Variants in SLC9A9 observed in about 807,000 individuals in gnomAD.
The protein encoded by SLC9A9 is solute carrier family 9 member A9, also known as sodium/hydrogen exchanger 9.
Under a neutral mutation model 77.8 loss-of-function variants are expected in SLC9A9, and 62 were observed. That is an observed-to-expected ratio of 0.80 (90% confidence interval 0.65 to 0.98). The LOEUF (loss-of-function observed/expected upper bound fraction) is 0.98. Ranked by LOEUF, SLC9A9 falls within the 50% of genes least tolerant of loss-of-function variation. The probability of loss-of-function intolerance (pLI) is 0.00; values close to 1 mark genes in which losing one functional copy is unlikely to be tolerated. For synonymous variants in SLC9A9, 320 were observed against 283.5 expected, an observed-to-expected ratio of 1.13 and a Z score of -1.29; for missense variants, 775 against 774.9, an observed-to-expected ratio of 1.00 and a Z score of 0.00.
intron 9 of SLC9A9, among the ~76,000 whole-genome samples, chr3:143,550,756 G>C (rs1406935777): frequency 6.6e-6 from 1 of 152,218 alleles, no homozygotes; most frequent in Non-Finnish European, 1.5e-5. Context: ...GATGACACTA[G>C]GGTTGTGTGG....
At chr3:143,828,941 A>C (rs1363801062) in intron 2 of SLC9A9, among the ~76,000 whole-genome samples, 8 of 152,202 alleles carry the variant, frequency 5.3e-5, no homozygotes, top group Admixed American at 5.2e-4. Flanking sequence ...TCTTCTAAAA[A>C]TTCCAAAACC....
At chr3:143,843,849 C>G (rs1366197317) in intron 1 of SLC9A9, among the ~76,000 whole-genome samples, 2 of 152,140 alleles carry the variant, frequency 1.3e-5, no homozygotes, top group Non-Finnish European at 2.9e-5. Context: ...AATACTTTAA[C>G]CGCTAATTGT....
At chr3:143,517,307 G>C in intron 9 of SLC9A9, 1 of 1,245,094 alleles carries the variant, frequency 8.0e-7, no homozygotes, top group South Asian at 1.2e-5. Context: ...AGGCATTCCG[G>C]CCATTCCAGG....
At chr3:143,727,136 C>T (rs544890039) in intron 4 of SLC9A9, among the ~76,000 whole-genome samples, 2 of 152,256 alleles carry the variant, frequency 1.3e-5, no homozygotes, top group African/African-American at 4.8e-5. Flanking sequence ...ATAATTAACA[C>T]CATCTGGCAC....
chr3:143,811,069 G>A (rs1385783910), intron 2 of SLC9A9, among the ~76,000 whole-genome samples: 1 of 152,142 alleles, frequency 6.6e-6, no homozygotes, highest in Non-Finnish European at 1.5e-5. Flanking sequence ...TCCCCCGGGG[G>A]CAGTGGACCA....
At chr3:143,753,168 AG>A (rs1361157080) in intron 4 of SLC9A9, among the ~76,000 whole-genome samples, 3 of 152,198 alleles carry the variant, frequency 2.0e-5, no homozygotes, top group Non-Finnish European at 4.4e-5. Flanking sequence ...GCTTTTAGAA[AG>A]CTCACATCTG....
At chr3:143,502,036 TA>T (rs1453155772) in intron 9 of SLC9A9, among the ~76,000 whole-genome samples, 1 of 150,978 alleles carries the variant, frequency 6.6e-6, no homozygotes, top group Admixed American at 6.6e-5. Context: ...AAGCCAATAA[TA>T]ATAATCACAA....
At position 143,334,123 on chromosome 3, in the gene SLC9A9, GT is replaced by G. The variant is rs569475711; in HGVS notation, c.1604+29360del. On this transcript the variant is annotated intron_variant, in intron 14 of 15. Coordinates refer to ENST00000316549, the MANE Select transcript of SLC9A9 (RefSeq NM_173653.4). The stretch of plus-strand genomic sequence containing the variant: ...ATGCCAATCAATTGGAATTCTTGTT[GT>G]TTTTAATAATTTGAAAATCCAAAAT... 1.1e-3 allele frequency among the ~76,000 whole-genome samples: 172 copies of G among 152,292 alleles called. No individual in the cohort carries two copies. The Middle Eastern group carries it at 0.017, about 15-fold the overall frequency.
At chr3:143,680,955 A>G (rs2108773193) in intron 5 of SLC9A9, among the ~76,000 whole-genome samples, 1 of 152,278 alleles carries the variant, frequency 6.6e-6, no homozygotes, top group South Asian at 2.1e-4. Context: ...AGGAAGACTT[A>G]GGTATTTATT....
At chr3:143,518,362 A>G in intron 9 of SLC9A9, 1 of 617,320 alleles carries the variant, frequency 1.6e-6, no homozygotes, top group Non-Finnish European at 2.8e-6. Flanking sequence ...TTTGTTATCT[A>G]TTGAGTAGAT....
intron 4 of SLC9A9, among the ~76,000 whole-genome samples, chr3:143,782,124 C>A (rs1368071064): frequency 6.6e-6 from 1 of 152,174 alleles, no homozygotes; most frequent in Non-Finnish European, 1.5e-5. Flanking sequence ...TGTGCACAGA[C>A]ACAGCCATAT....
At chr3:143,334,022 GA>G (rs983089018) in intron 14 of SLC9A9, among the ~76,000 whole-genome samples, 1 of 152,044 alleles carries the variant, frequency 6.6e-6, no homozygotes, top group African/African-American at 2.4e-5. Flanking sequence ...TTTTGTATTT[GA>G]AAAAATAATC....
intron 6 of SLC9A9, among the ~76,000 whole-genome samples, chr3:143,632,337 T>C (rs2038440832): frequency 6.6e-6 from 1 of 152,066 alleles, no homozygotes; most frequent in African/African-American, 2.4e-5. Flanking sequence ...GGGGTCACAA[T>C]GAAAAGATTC....
intron 5 of SLC9A9, among the ~76,000 whole-genome samples, chr3:143,659,966 C>T (rs2038955364): frequency 6.6e-6 from 1 of 152,196 alleles, no homozygotes. Flanking sequence ...AGTTCCGGTA[C>T]ACAAGCTCTC....
intron 12 of SLC9A9, among the ~76,000 whole-genome samples, chr3:143,433,185 A>G (rs1429336027): frequency 1.3e-5 from 2 of 152,184 alleles, no homozygotes; most frequent in Non-Finnish European, 2.9e-5. Context: ...ATTTCATGGA[A>G]GGGTGGACAG....
intron 14 of SLC9A9, among the ~76,000 whole-genome samples, chr3:143,270,698 T>C (rs1937872656): frequency 6.6e-6 from 1 of 151,970 alleles, no homozygotes; most frequent in Admixed American, 6.6e-5. Flanking sequence ...AAAAAGTTTG[T>C]CAAGGCTCTG....
At chr3:143,292,461 C>A (rs1000225858) in intron 14 of SLC9A9, among the ~76,000 whole-genome samples, 1 of 152,054 alleles carries the variant, frequency 6.6e-6, no homozygotes, top group Non-Finnish European at 1.5e-5. Flanking sequence ...AGATCTGAAC[C>A]CAAATCGGCC....
chr3:143,269,061 A>G, intron 14 of SLC9A9, 81 bp from the exon 15 acceptor site: 3 of 1,063,312 alleles, frequency 2.8e-6, no homozygotes, highest in Non-Finnish European at 4.4e-6. Context: ...TTGTATGCTG[A>G]GACAGCTACG....
chr3:143,444,487 C>T (rs1277558758), intron 12 of SLC9A9, among the ~76,000 whole-genome samples: 2 of 152,168 alleles, frequency 1.3e-5, no homozygotes, highest in African/African-American at 4.8e-5. Context: ...CTTTATCATG[C>T]CCCACCTTTC....
Sources: gnomAD v4.1 joint callset for allele counts (sites outside exome capture counted in the v4.1 genomes callset) on GRCh38, gnomAD v4.1.1 for gene constraint, MANE v1.5 for transcripts, NCBI Gene and HGNC (gene_info 2026-07-23, HGNC 2026-07-21) for gene names.